Variants in CAST observed in about 807,000 individuals in gnomAD.
The protein encoded by CAST is MIR583 host.
A neutral mutation model predicts 119.6 loss-of-function variants in CAST; 76 were observed. That is an observed-to-expected ratio of 0.64 (90% confidence interval 0.53 to 0.77). CAST has a LOEUF of 0.77. Ranked by LOEUF, CAST falls within the 30% of genes least tolerant of loss-of-function variation. The pLI, the probability that CAST is intolerant of heterozygous loss-of-function variation, is 0.00. For missense variants in CAST, 953 were observed against 946.5 expected, an observed-to-expected ratio of 1.01 and a Z score of -0.09; for synonymous variants, 319 against 331.6, an observed-to-expected ratio of 0.96 and a Z score of 0.41.
chr5:96,068,593 ATG>A, the CAST span, among the ~76,000 whole-genome samples: 5,807 of 141,882 alleles, frequency 0.041, 120 homozygotes, highest in African/African-American at 0.047. Flanking sequence ...CAATAGGATT[ATG>A]TGTGTGTGTG....
chr5:96,134,419 A>T, the CAST span, among the ~76,000 whole-genome samples: 3 of 152,348 alleles, frequency 2.0e-5, no homozygotes, highest in African/African-American at 4.8e-5. Context: ...ACTGGCACAG[A>T]CTTCAATGAT....
intron 3 of CAST, among the ~76,000 whole-genome samples, chr5:96,699,775 A>G (rs1018623607): frequency 2.6e-5 from 4 of 152,168 alleles, no homozygotes; most frequent in African/African-American, 9.7e-5. Context: ...AATTATCAAT[A>G]TGTGGTGAGG....
At chr5:96,045,568 T>G in the CAST span, among the ~76,000 whole-genome samples, 1 of 152,182 alleles carries the variant, frequency 6.6e-6, no homozygotes, top group Non-Finnish European at 1.5e-5. Flanking sequence ...GTTCTTGACT[T>G]CATGGAGCTT....
chr5:96,587,428 G>C (rs1418309027), intron 1 of CAST, among the ~76,000 whole-genome samples: 1 of 152,182 alleles, frequency 6.6e-6, no homozygotes, highest in African/African-American at 2.4e-5. Context: ...AGTCATGCTG[G>C]TAAATATACA....
chr5:96,525,482 C>G (rs887335152), upstream of CAST: 1 of 152,182 alleles, frequency 6.6e-6, no homozygotes, highest in East Asian at 1.9e-4. Flanking sequence ...AGGAACCATC[C>G]TTCAGCTGAG....
chr5:96,416,343 A>C, the CAST span, among the ~76,000 whole-genome samples: 1 of 152,214 alleles, frequency 6.6e-6, no homozygotes, highest in African/African-American at 2.4e-5. Context: ...TCTGCCATTC[A>C]CTAAGGGTGT....
the CAST span, among the ~76,000 whole-genome samples, chr5:96,148,356 C>G: frequency 6.6e-6 from 1 of 152,162 alleles, no homozygotes; most frequent in African/African-American, 2.4e-5. Context: ...CACTAAAATA[C>G]TGTCTGTCAT....
intron 1 of CAST, among the ~76,000 whole-genome samples, chr5:96,647,688 G>T (rs1476480859): frequency 6.6e-6 from 1 of 152,006 alleles, no homozygotes; most frequent in Non-Finnish European, 1.5e-5. Context: ...CTAAACTGAG[G>T]CACACACCGG....
At chr5:96,126,341 A>G in the CAST span, among the ~76,000 whole-genome samples, 2 of 152,056 alleles carry the variant, frequency 1.3e-5, no homozygotes, top group Admixed American at 6.6e-5. Flanking sequence ...GGTATTGTTG[A>G]TGTTTTTGTT....
At chr5:96,071,836 T>C in the CAST span, among the ~76,000 whole-genome samples, 1 of 152,154 alleles carries the variant, frequency 6.6e-6, no homozygotes, top group South Asian at 2.1e-4. Flanking sequence ...ATTCAAAATA[T>C]TTGGAAGTGG....
chr5:96,199,713 TTTG>T, the CAST span, among the ~76,000 whole-genome samples: 2 of 152,168 alleles, frequency 1.3e-5, no homozygotes, highest in African/African-American at 4.8e-5. Flanking sequence ...ATAACTGTAT[TTTG>T]TTGTTGTTAG....
In CAST at chr5:96,726,868, G is replaced by A; in HGVS notation, c.336+9G>A. 1 of 1,602,648 alleles carries A rather than the reference G, an allele frequency of 6.2e-7. No individual in the cohort carries two copies. ...AAAAACACAAAAAACAGGTGATGTT[G>A]TTCATTGTACTAGGGCATCTCTGTT... On this transcript the variant is annotated intron_variant, in intron 5 of 31. Transcript: ENST00000675179.
intron 1 of CAST, among the ~76,000 whole-genome samples, chr5:96,561,151 A>G (rs544524107): frequency 5.9e-4 from 86 of 144,706 alleles, no homozygotes; most frequent in African/African-American, 1.9e-3. Flanking sequence ...GAGTTGAACA[A>G]TGAGAACACA....
chr5:96,521,122 T>A (rs1745509818), upstream of CAST, among the ~76,000 whole-genome samples: 1 of 152,230 alleles, frequency 6.6e-6, no homozygotes, highest in African/African-American at 2.4e-5. Flanking sequence ...GCCTCTTCCA[T>A]GGACTGTGAG....
the CAST span, among the ~76,000 whole-genome samples, chr5:96,405,309 A>G: frequency 6.6e-6 from 1 of 152,176 alleles, no homozygotes; most frequent in Non-Finnish European, 1.5e-5. Flanking sequence ...ATCTGGTGAA[A>G]CCTATAAGCC....
chr5:96,009,711 A>G, the CAST span, among the ~76,000 whole-genome samples: 1 of 152,082 alleles, frequency 6.6e-6, no homozygotes, highest in Admixed American at 6.6e-5. Flanking sequence ...TTGGATGCGT[A>G]GTTTGCAAAT....
At chr5:96,377,011 A>T in the CAST span, among the ~76,000 whole-genome samples, 1 of 152,126 alleles carries the variant, frequency 6.6e-6, no homozygotes, top group Non-Finnish European at 1.5e-5. Flanking sequence ...GAAGAAAATT[A>T]AAAAGTAAAA....
chr5:96,014,128 A>G, the CAST span, among the ~76,000 whole-genome samples: 1 of 150,546 alleles, frequency 6.6e-6, no homozygotes, highest in Non-Finnish European at 1.5e-5. Flanking sequence ...CTTATTCTAT[A>G]TGCTTTTTTG....
the CAST span, among the ~76,000 whole-genome samples, chr5:96,146,824 C>G: frequency 6.6e-6 from 1 of 152,170 alleles, no homozygotes; most frequent in African/African-American, 2.4e-5. Flanking sequence ...TGTCAGTATA[C>G]CATCTGGAAC....
Sources: gnomAD v4.1 joint callset for allele counts (sites outside exome capture counted in the v4.1 genomes callset) on GRCh38, gnomAD v4.1.1 for gene constraint, MANE v1.5 for transcripts, NCBI Gene and HGNC (gene_info 2026-07-23, HGNC 2026-07-21) for gene names.